The following SYMPK variants were observed in gnomAD, a reference collection of about 807,000 sequenced individuals.
SYMPK encodes the protein symplekin.
In SYMPK, 49 loss-of-function variants were observed where a neutral mutation model predicts 136.4. The ratio of observed to expected loss-of-function variants is 0.36; its 90% CI spans 0.29 to 0.46. The LOEUF is 0.46. Ranked by LOEUF, SYMPK falls within the 20% of genes least tolerant of loss-of-function variation. The pLI is 1.00. For missense variants in SYMPK, 1,365 were observed against 1,690.0 expected, an observed-to-expected ratio of 0.81 and a Z score of 3.37; for synonymous variants, 766 against 713.0, an observed-to-expected ratio of 1.07 and a Z score of -1.19.
intron 9 of SYMPK, among the ~76,000 whole-genome samples, chr19:45,840,421 T>C (rs994924866): frequency 4.6e-5 from 7 of 151,306 alleles, no homozygotes; most frequent in South Asian, 2.1e-4. Context: ...CTCAACACTT[T>C]AGGAGGCGAA....
At chr19:45,830,507 G>A (rs1013928372) in intron 12 of SYMPK, 3 of 345,402 alleles carry the variant, frequency 8.7e-6, no homozygotes, top group African/African-American at 6.2e-5. Context: ...AAGGCCCTTA[G>A]GTGGGAACAG....
intron 12 of SYMPK, chr19:45,831,107 ATTC>A: frequency 3.3e-6 from 1 of 301,340 alleles, no homozygotes; most frequent in Non-Finnish European, 6.1e-6. Context: ...AACTAATTTA[ATTC>A]TTCTTTGATC....
intron 14 of SYMPK, chr19:45,828,271 C>A: frequency 3.7e-6 from 1 of 268,492 alleles, no homozygotes; most frequent in Non-Finnish European, 7.3e-6. Flanking sequence ...CAGTTGAGTA[C>A]ACTGGTGGAT....
In SYMPK at chr19:45,821,942, G is replaced by A. The variant is rs951010326; in HGVS notation, c.2792-457C>T. On this transcript the variant is annotated intron_variant, in intron 21 of 26. Coordinates refer to ENST00000245934, the MANE Select transcript of SYMPK (RefSeq NM_004819.3). This position sits in a 1 kb window ranked among gnomAD's most constrained non-coding sequence, Gnocchi z 4.4. ...GCCTGGGGGAGTGGAGGGGAGGCTG[G>A]TGGAGTGGCTCTTTGCTGCTGCTAT... 6.6e-6 allele frequency among the ~76,000 whole-genome samples: 1 copy of A among 152,140 alleles called. No individual in the cohort carries two copies. Among genetic ancestry groups the A allele is most frequent in the Non-Finnish European group, 1.5e-5 (1 of 68,010 alleles).
At chr19:45,857,409 C>CAAAAAAAA (rs1161033225) in intron 1 of SYMPK, among the ~76,000 whole-genome samples, 1 of 43,428 alleles carries the variant, frequency 2.3e-5, no homozygotes, top group Non-Finnish European at 4.3e-5. Flanking sequence ...GACTCTGTCT[C>CAAAAAAAA]AAAAAAAAAA....
At chr19:45,836,051 G>A (rs1344976802) in intron 10 of SYMPK, among the ~76,000 whole-genome samples, 2 of 152,012 alleles carry the variant, frequency 1.3e-5, no homozygotes, top group African/African-American at 2.4e-5. Flanking sequence ...TGGATGTCAG[G>A]AATTAGTAAC....
chr19:45,853,513 C>T (rs1600530269), intron 3 of SYMPK, among the ~76,000 whole-genome samples: 1 of 151,932 alleles, frequency 6.6e-6, no homozygotes, highest in Non-Finnish European at 1.5e-5. Context: ...TGGCAGGTGC[C>T]TGTAATCTCA....
At chr19:45,862,992 C>A in intron 1 of SYMPK, 66 bp downstream of exon 1, 1 of 399,368 alleles carries the variant, frequency 2.5e-6, no homozygotes, top group Non-Finnish European at 4.4e-6. Context: ...CCTCCCCGCC[C>A]GAGCCCCTGC....
chr19:45,823,971 C>T (rs1298066982), intron 18 of SYMPK, 96 bp from the exon 19 acceptor site: 35 of 863,188 alleles, frequency 4.1e-5, no homozygotes, highest in Non-Finnish European at 5.7e-5. Context: ...ATGCTGGCGC[C>T]CAGGGTGAGA....
intron 17 of SYMPK, among the ~76,000 whole-genome samples, chr19:45,826,009 G>A (rs561833508): frequency 3.3e-5 from 5 of 152,252 alleles, no homozygotes; most frequent in African/African-American, 1.2e-4. Context: ...CCCCACCGAT[G>A]GCTGGCTCTC....
intron 17 of SYMPK, among the ~76,000 whole-genome samples, chr19:45,825,643 C>CA (rs1308891376): frequency 6.6e-6 from 1 of 152,232 alleles, no homozygotes; most frequent in Non-Finnish European, 1.5e-5. Context: ...CTCCCTGCCT[C>CA]ACACTGTCTG....
intron 22 of SYMPK, among the ~76,000 whole-genome samples, chr19:45,818,720 G>A (rs4803856): frequency 0.86 from 130,408 of 152,144 alleles, 55,972 homozygotes; most frequent in East Asian, 0.9. Context: ...CGGGGCATAC[G>A]ATGACCCCCC....
At chr19:45,862,756 A>C (rs571712466) in intron 1 of SYMPK, among the ~76,000 whole-genome samples, 1 of 152,228 alleles carries the variant, frequency 6.6e-6, no homozygotes, top group Non-Finnish European at 1.5e-5. Flanking sequence ...CCGAAGCGGG[A>C]AAGCGCATGG....
intron 14 of SYMPK, 166 bp from the exon 15 acceptor site, chr19:45,828,084 C>T (rs1263416590): frequency 1.6e-6 from 1 of 606,852 alleles, no homozygotes; most frequent in Non-Finnish European, 2.9e-6. Flanking sequence ...GGTTCAAAAG[C>T]TGGCGGCTGG....
chr19:45,822,865 G>T lies in SYMPK; in HGVS notation c.2701-19C>A. 1 of 1,591,296 alleles carries T rather than the reference G, an allele frequency of 6.3e-7. No individual in the cohort carries two copies. Among genetic ancestry groups the T allele is most frequent in the Non-Finnish European group, 8.6e-7 (1 of 1,159,716 alleles). ...CCTCTTTCTACAGGGAGAAGGTGGT[G>T]GGGGTGGGAGTTGAGTCACATACAC... On this transcript the variant is annotated intron_variant, in intron 20 of 26. Transcript: ENST00000245934.
intron 1 of SYMPK, chr19:45,854,802 C>T (rs758527406): frequency 4.8e-6 from 2 of 413,668 alleles, no homozygotes; most frequent in Non-Finnish European, 9.1e-6. Context: ...GAACGTGCAA[C>T]AGCCACCTTG....
At chr19:45,826,879 A>G (rs1274317000) in intron 16 of SYMPK, among the ~76,000 whole-genome samples, 2 of 152,228 alleles carry the variant, frequency 1.3e-5, no homozygotes, top group Admixed American at 6.5e-5. Context: ...CTGGGGCAAA[A>G]GGCTGCAGGC....
rs4803865 is a variant in SYMPK at position 45,831,295 on chromosome 19, G to A, written c.1598+89C>T. 491,367 of 677,332 alleles carry A rather than the reference G, an allele frequency of 0.73. 165,940 individuals carry two copies. The highest frequency in any genetic ancestry group is 0.81 in the African/African-American group (41,943 of 51,864). The allele number at this position is 677,332 out of a possible 1,614,324, so 42.0% of individuals were successfully genotyped here. A position where few individuals can be genotyped will look rare whatever the true frequency, so the allele number is the denominator to read the frequency against. On this transcript the variant is annotated intron_variant, in intron 12 of 26. Transcript: ENST00000245934. ...CTGCATCTCAGTTACACACACACAC[G>A]CACACGCACACGCACACGCACACGA...
At chr19:45,847,117 A>T (rs62109854) in intron 7 of SYMPK, among the ~76,000 whole-genome samples, 7 of 151,740 alleles carry the variant, frequency 4.6e-5, no homozygotes, top group Non-Finnish European at 7.4e-5. Flanking sequence ...TATAATTTGC[A>T]GTTAAGAAAA....
Sources: allele counts gnomAD v4.1 joint callset (sites outside exome capture counted in the v4.1 genomes callset), GRCh38; gene constraint gnomAD v4.1.1; non-coding constraint Gnocchi (gnomAD v3.1); transcripts MANE v1.5; gene names NCBI Gene and HGNC (gene_info 2026-07-23, HGNC 2026-07-21).